Variants in LTBP1 observed in about 807,000 individuals in gnomAD.
LTBP1 encodes the protein latent-transforming growth factor beta-binding protein 1.
A neutral mutation model predicts 207.6 loss-of-function variants in LTBP1; 129 were observed. The ratio of observed to expected loss-of-function variants is 0.62; its 90% CI spans 0.54 to 0.72. The LOEUF (loss-of-function observed/expected upper bound fraction) is 0.72, where lower values mean the gene tolerates loss of function less well. Ranked by LOEUF, LTBP1 falls within the 30% of genes least tolerant of loss-of-function variation. The probability of loss-of-function intolerance (pLI) is 0.00; values close to 1 mark genes in which losing one functional copy is unlikely to be tolerated. For synonymous variants in LTBP1, 963 were observed against 833.7 expected, an observed-to-expected ratio of 1.16 and a Z score of -2.67; for missense variants, 2,281 against 2,217.2, an observed-to-expected ratio of 1.03 and a Z score of -0.58.
At chr2:33,272,218 G>A (rs2093336219) in intron 15 of LTBP1, among the ~76,000 whole-genome samples, 1 of 152,214 alleles carries the variant, frequency 6.6e-6, no homozygotes, top group Non-Finnish European at 1.5e-5. Context: ...CATTTCCATA[G>A]TGAATCTGTG....
intron 20 of LTBP1, among the ~76,000 whole-genome samples, chr2:33,294,095 C>T (rs2093826907): frequency 6.7e-6 from 1 of 150,046 alleles, no homozygotes; most frequent in South Asian, 2.1e-4. Flanking sequence ...AACCTCCACC[C>T]TCCAAGTTCA....
intron 19 of LTBP1, among the ~76,000 whole-genome samples, chr2:33,290,754 T>A (rs571810455): frequency 6.6e-5 from 10 of 152,086 alleles, no homozygotes; most frequent in Non-Finnish European, 1.5e-4. Context: ...TACTAGATAT[T>A]GGTGTGAAAA....
intron 31 of LTBP1, among the ~76,000 whole-genome samples, chr2:33,382,337 C>A (rs2095225927): frequency 6.6e-6 from 1 of 152,022 alleles, no homozygotes; most frequent in Admixed American, 6.5e-5. Context: ...GTAGGTGATC[C>A]ACCCGCCTCG....
chr2:33,144,181 T>C (rs980228042), intron 5 of LTBP1, among the ~76,000 whole-genome samples: 3 of 152,086 alleles, frequency 2.0e-5, no homozygotes, highest in African/African-American at 4.8e-5. Flanking sequence ...CAGTGGTTGC[T>C]TTATTTACTG....
chr2:33,155,278 C>G (rs1009819436), intron 5 of LTBP1, among the ~76,000 whole-genome samples: 1 of 152,022 alleles, frequency 6.6e-6, no homozygotes, highest in African/African-American at 2.4e-5. Context: ...ATTGGCCAGG[C>G]TACTCTCGAA....
chr2:32,994,183 C>T (rs551751361), intron 2 of LTBP1, among the ~76,000 whole-genome samples: 9 of 152,136 alleles, frequency 5.9e-5, no homozygotes, highest in African/African-American at 1.7e-4. Context: ...GAGGTCTTTA[C>T]GTAGAACCTA....
At chr2:33,236,678 T>C (rs1573352964) in intron 9 of LTBP1, among the ~76,000 whole-genome samples, 1 of 152,214 alleles carries the variant, frequency 6.6e-6, no homozygotes, top group South Asian at 2.1e-4. Flanking sequence ...ATAAAATGAA[T>C]GGGAAGATGC....
At chr2:33,280,013 C>T (rs1408305184) in intron 18 of LTBP1, 26 bp from the exon 19 acceptor site, 2 of 1,610,964 alleles carry the variant, frequency 1.2e-6, no homozygotes, top group Admixed American at 1.7e-5. Context: ...ATAAAATGTT[C>T]ACGACCTAGG....
intron 2 of LTBP1, among the ~76,000 whole-genome samples, chr2:32,974,471 T>TAG (rs1355845688): frequency 6.6e-6 from 1 of 152,172 alleles, no homozygotes; most frequent in African/African-American, 2.4e-5. Context: ...GCTCCTTACA[T>TAG]AGTCTTGTTA....
At chr2:33,241,295 G>A (rs77147072) in intron 9 of LTBP1, among the ~76,000 whole-genome samples, 6,632 of 152,258 alleles carry the variant, frequency 0.044, 238 homozygotes, top group African/African-American at 0.095. Context: ...ACGATTCTTC[G>A]TCTTTGTGGA....
intron 33 of LTBP1, among the ~76,000 whole-genome samples, chr2:33,397,752 G>A (rs1000885397): frequency 1.4e-5 from 2 of 146,324 alleles, no homozygotes; most frequent in Non-Finnish European, 3.0e-5. Flanking sequence ...TCAATCTCCT[G>A]ACCTCGTGAT....
At chr2:33,182,372 G>C (rs2086726411) in intron 5 of LTBP1, among the ~76,000 whole-genome samples, 1 of 151,848 alleles carries the variant, frequency 6.6e-6, no homozygotes, top group Admixed American at 6.6e-5. Context: ...TTTAAAAAAA[G>C]GTGGTGTTGG....
At position 32,949,091 on chromosome 2, in the gene LTBP1, A is replaced by T. The variant is rs112352267; in HGVS notation, c.565+146A>T. The T allele has an allele frequency of 7.8e-5, 58 of 743,390 alleles. 1 individual carries two copies. Among genetic ancestry groups the T allele is most frequent in the African/African-American group, 6.7e-4 (39 of 58,194 alleles). 46.0% of individuals were successfully genotyped at this position (743,390 alleles called of 1,614,324 possible). ...ATCCACCCAGGCTTCATTACCACCT[A>T]GGAAGGGCTGGGTCAGGGTAATGTT... is the stretch of plus-strand genomic sequence containing the variant. On this transcript the variant is annotated intron_variant, in intron 2 of 33. Transcript: ENST00000404816.
chr2:32,970,865 A>T (rs1272085571), intron 2 of LTBP1, among the ~76,000 whole-genome samples: 1 of 151,968 alleles, frequency 6.6e-6, no homozygotes, highest in East Asian at 1.9e-4. Flanking sequence ...CATTTTAATA[A>T]TATTGATTCT....
intron 4 of LTBP1, among the ~76,000 whole-genome samples, chr2:33,121,159 C>CTTTTTTTTTTTTTTTTTTTTTTTTTT (rs61065486): frequency 8.0e-5 from 7 of 87,538 alleles, no homozygotes; most frequent in Admixed American, 1.4e-4. Flanking sequence ...TTTGTAAAGT[C>CTTTTTTTTTTTTTTTTTTTTTTTTTT]TTTTTTTTTT....
chr2:33,270,637 T>G (rs547068167), intron 15 of LTBP1, among the ~76,000 whole-genome samples: 12 of 146,440 alleles, frequency 8.2e-5, no homozygotes, highest in African/African-American at 2.5e-4. Context: ...TGGCAAAGGA[T>G]GGAAGGGATC....
chr2:33,032,080 T>C (rs35886155), intron 3 of LTBP1, among the ~76,000 whole-genome samples: 21,454 of 152,166 alleles, frequency 0.14, 1,618 homozygotes, highest in South Asian at 0.22. Context: ...AATAATTCCT[T>C]TGGATTCGGG....
chr2:33,135,373 A>T (rs1260267810), intron 5 of LTBP1, among the ~76,000 whole-genome samples: 1 of 152,226 alleles, frequency 6.6e-6, no homozygotes, highest in East Asian at 1.9e-4. Flanking sequence ...ATGAAATTTG[A>T]AGTTTTTACT....
At chr2:33,225,627 C>T (rs761627042) in intron 9 of LTBP1, among the ~76,000 whole-genome samples, 4 of 152,202 alleles carry the variant, frequency 2.6e-5, no homozygotes, top group Non-Finnish European at 5.9e-5. Flanking sequence ...TACCAGGTCC[C>T]TCCCACGACA....
Sources: gnomAD v4.1 joint callset for allele counts (sites outside exome capture counted in the v4.1 genomes callset) on GRCh38, gnomAD v4.1.1 for gene constraint, MANE v1.5 for transcripts, NCBI Gene and HGNC (gene_info 2026-07-23, HGNC 2026-07-21) for gene names.